Variants in RBFOX1 observed in about 807,000 individuals in gnomAD.
The protein encoded by RBFOX1 is RNA binding protein fox-1 homolog 1.
RBFOX1 carries 8 observed loss-of-function variants against 57.7 expected under a neutral mutation model. That is an observed-to-expected ratio of 0.14 (90% CI 0.08 to 0.25). The LOEUF is 0.25. Ranked by LOEUF, RBFOX1 falls within the 10% of genes least tolerant of loss-of-function variation. The pLI is 1.00. For synonymous variants in RBFOX1, 326 were observed against 222.4 expected (o/e 1.47, Z -4.15); for missense variants, 611 against 548.5 (o/e 1.11, Z -1.14).
intron 2 of RBFOX1, among the ~76,000 whole-genome samples, chr16:6,531,890 A>G (rs1279890137): frequency 1.3e-5 from 2 of 152,220 alleles, no homozygotes; most frequent in Non-Finnish European, 2.9e-5. Context: ...AAGCAACAGG[A>G]ACCAATTCCC....
Position 7,652,115 on chromosome 16 carries a change from A to T in RBFOX1, c.758-1700A>T, listed in dbSNP as rs144761978. On this transcript the variant is annotated intron_variant, in intron 11 of 15. Coordinates refer to ENST00000550418, the MANE Select transcript of RBFOX1 (RefSeq NM_018723.4). Reference sequence around the variant, plus strand: ...GCATCCTCTGCGGACACAGTTTGGGAAACATTGCCTGCTACTTAGTGAGAT... The same window carrying T: ...GCATCCTCTGCGGACACAGTTTGGGTAACATTGCCTGCTACTTAGTGAGAT... 5.6e-3 allele frequency among the ~76,000 whole-genome samples: 849 copies of T among 152,160 alleles called. 7 individuals are homozygous for T. Among genetic ancestry groups the T allele is most frequent in the Non-Finnish European group, 9.1e-3 (619 of 68,004 alleles).
intron 2 of RBFOX1, among the ~76,000 whole-genome samples, chr16:5,537,747 G>A (rs554386793): frequency 2.0e-5 from 3 of 152,278 alleles, no homozygotes; most frequent in African/African-American, 7.2e-5. Flanking sequence ...ACCCAGTTGG[G>A]AAAGGTGCTC....
rs188885237 is a variant in RBFOX1, at chr16:6,925,392, C to T, written c.-15-126665C>T. Among the ~76,000 whole-genome samples the T allele has an allele frequency of 1.6e-3, 243 of 151,660 alleles. 2 individuals carry two copies. Among genetic ancestry groups the T allele is most frequent in the African/African-American group, 5.7e-3 (234 of 41,322 alleles). On this transcript the variant is annotated intron_variant, in intron 3 of 15. Coordinates refer to ENST00000550418, the MANE Select transcript of RBFOX1 (RefSeq NM_018723.4). The stretch of plus-strand genomic sequence containing the variant: ...TACCTGCCTTGGTCTCCGAACGTGC[C>T]GGGATTATAGGAGTGAGCCACTGCA...
intron 3 of RBFOX1, among the ~76,000 whole-genome samples, chr16:6,874,182 T>TGC (rs1555554608): frequency 4.6e-5 from 7 of 151,550 alleles, no homozygotes; most frequent in African/African-American, 1.7e-4. Context: ...GGTGTGTGCA[T>TGC]ACACACACAA....
chr16:6,128,368 C>G (rs1346305401), intron 1 of RBFOX1, among the ~76,000 whole-genome samples: 1 of 152,192 alleles, frequency 6.6e-6, no homozygotes, highest in Non-Finnish European at 1.5e-5. Context: ...GATGCTACAA[C>G]TGATACCAGG....
At chr16:6,649,631 G>C (rs1367516051) in intron 2 of RBFOX1, among the ~76,000 whole-genome samples, 2 of 152,078 alleles carry the variant, frequency 1.3e-5, no homozygotes, top group African/African-American at 2.4e-5. Context: ...TTTTCCATTC[G>C]TGACTTGTTT....
intron 4 of RBFOX1, among the ~76,000 whole-genome samples, chr16:7,428,431 A>G (rs929748654): frequency 2.0e-4 from 28 of 139,456 alleles, no homozygotes; most frequent in Admixed American, 1.7e-3. Flanking sequence ...GGTTCTAGTG[A>G]TTCTCCTGCC....
intron 3 of RBFOX1, among the ~76,000 whole-genome samples, chr16:5,740,845 A>G (rs573705683): frequency 2.4e-4 from 37 of 152,034 alleles, no homozygotes; most frequent in Non-Finnish European, 3.2e-4. Flanking sequence ...CTTGTCTCTG[A>G]TGAGGATTAT....
intron 3 of RBFOX1, among the ~76,000 whole-genome samples, chr16:6,828,960 G>A (rs926563527): frequency 1.3e-5 from 2 of 151,510 alleles, no homozygotes; most frequent in Admixed American, 1.3e-4. Flanking sequence ...CCTTTCTTGA[G>A]TGTGTACTTT....
At chr16:6,024,521 C>T (rs920548130) in intron 1 of RBFOX1, among the ~76,000 whole-genome samples, 25 of 152,194 alleles carry the variant, frequency 1.6e-4, no homozygotes, top group African/African-American at 5.5e-4. Flanking sequence ...CAGAGCCTCA[C>T]GTTGTATCCC....
intron 4 of RBFOX1, among the ~76,000 whole-genome samples, chr16:7,274,928 C>G (rs979784424): frequency 6.6e-6 from 1 of 152,038 alleles, no homozygotes; most frequent in African/African-American, 2.4e-5. Flanking sequence ...AAGTGACCTG[C>G]CTGCCTCGGC....
At chr16:5,509,185 C>T (rs963060823) in intron 2 of RBFOX1, among the ~76,000 whole-genome samples, 5 of 152,202 alleles carry the variant, frequency 3.3e-5, no homozygotes, top group African/African-American at 1.2e-4. Context: ...TACTTTGATG[C>T]CCACATGCAG....
intron 4 of RBFOX1, among the ~76,000 whole-genome samples, chr16:7,250,597 G>A (rs868705100): frequency 2.0e-5 from 3 of 152,168 alleles, no homozygotes; most frequent in African/African-American, 4.8e-5. Context: ...CCCCAGGGAC[G>A]GGGATCATAA....
intron 4 of RBFOX1, among the ~76,000 whole-genome samples, chr16:7,184,685 C>T (rs1381787131): frequency 2.6e-5 from 4 of 152,148 alleles, no homozygotes; most frequent in Admixed American, 1.3e-4. Context: ...AACCCCCAAA[C>T]CTGATTATGA....
At chr16:6,930,128 C>G (rs1194074766) in intron 3 of RBFOX1, among the ~76,000 whole-genome samples, 1 of 152,088 alleles carries the variant, frequency 6.6e-6, no homozygotes, top group African/African-American at 2.4e-5. Context: ...CATGTGAGCC[C>G]CTCAATCTGT....
intron 2 of RBFOX1, among the ~76,000 whole-genome samples, chr16:6,382,358 G>A (rs925934996): frequency 3.9e-5 from 6 of 152,192 alleles, no homozygotes; most frequent in African/African-American, 1.4e-4. Context: ...AAGAAGGTGT[G>A]TAAGTTGTGT....
At chr16:7,161,803 G>GAT (rs2078384526) in intron 4 of RBFOX1, among the ~76,000 whole-genome samples, 1 of 152,152 alleles carries the variant, frequency 6.6e-6, no homozygotes, top group South Asian at 2.1e-4. Context: ...ACAAGCACTG[G>GAT]ATGTTTAGAA....
intron 1 of RBFOX1, among the ~76,000 whole-genome samples, chr16:5,373,760 C>T (rs552577817): frequency 9.9e-5 from 15 of 151,942 alleles, no homozygotes; most frequent in Admixed American, 9.8e-4. Flanking sequence ...CCGACCACCA[C>T]ACCCAGCTAA....
At chr16:7,142,880 C>G (rs2074134327) in intron 4 of RBFOX1, among the ~76,000 whole-genome samples, 1 of 150,376 alleles carries the variant, frequency 6.6e-6, no homozygotes, top group African/African-American at 2.4e-5. Flanking sequence ...TTCTCTTTTC[C>G]TTAATATCAT....
Sources: gnomAD v4.1 joint callset for allele counts (sites outside exome capture counted in the v4.1 genomes callset) on GRCh38, gnomAD v4.1.1 for gene constraint, MANE v1.5 for transcripts, NCBI Gene and HGNC (gene_info 2026-07-23, HGNC 2026-07-21) for gene names.